Variants in PTPRD observed in about 807,000 individuals in gnomAD.
PTPRD encodes the protein receptor-type tyrosine-protein phosphatase delta.
Under a neutral mutation model 214.5 loss-of-function variants are expected in PTPRD, and 34 were observed. The observed-to-expected ratio is 0.16, with a 90% CI of 0.12 to 0.21. The LOEUF (loss-of-function observed/expected upper bound fraction) is 0.21. Ranked by LOEUF, PTPRD falls within the 10% of genes least tolerant of loss-of-function variation. PTPRD has a pLI of 1.00. For synonymous variants in PTPRD, 1,128 were observed against 845.7 expected (o/e 1.33, Z -5.79); for missense variants, 2,545 against 2,398.7 (o/e 1.06, Z -1.27).
At chr9:8,721,892 C>G (rs1412688269) in intron 12 of PTPRD, among the ~76,000 whole-genome samples, 1 of 152,218 alleles carries the variant, frequency 6.6e-6, no homozygotes, top group African/African-American at 2.4e-5. Context: ...TTATCTATCT[C>G]TCCTAACCTC....
At chr9:9,512,555 A>T (rs2096735163) in intron 8 of PTPRD, among the ~76,000 whole-genome samples, 1 of 151,884 alleles carries the variant, frequency 6.6e-6, no homozygotes, top group Non-Finnish European at 1.5e-5. Context: ...TCCAATCAAA[A>T]ACGTTAATAA....
At chr9:10,288,415 T>G (rs937958770) in intron 3 of PTPRD, among the ~76,000 whole-genome samples, 8 of 152,118 alleles carry the variant, frequency 5.3e-5, no homozygotes, top group African/African-American at 1.9e-4. Context: ...ATGATAAACA[T>G]CAGTTTATTA....
At chr9:8,742,627 A>G (rs1387026282) in intron 11 of PTPRD, among the ~76,000 whole-genome samples, 1 of 152,184 alleles carries the variant, frequency 6.6e-6, no homozygotes, top group Non-Finnish European at 1.5e-5. Context: ...TTACTTCTTT[A>G]CTATGAAAAG....
intron 8 of PTPRD, among the ~76,000 whole-genome samples, chr9:9,445,269 C>T (rs975802196): frequency 1.3e-5 from 2 of 152,058 alleles, no homozygotes; most frequent in East Asian, 1.9e-4. Context: ...ATCTGTCCCA[C>T]GTTTATCCCT....
chr9:8,813,589 ACTCAAACTCCTAGG>A (rs1390503587), intron 11 of PTPRD, among the ~76,000 whole-genome samples: 1 of 151,890 alleles, frequency 6.6e-6, no homozygotes, highest in African/African-American at 2.4e-5. Context: ...CCCACGCTGG[ACTCAAACTCCTAGG>A]CTAAAGCAAT....
chr9:8,967,151 A>T (rs866717347), intron 11 of PTPRD, among the ~76,000 whole-genome samples: 3 of 151,790 alleles, frequency 2.0e-5, no homozygotes, highest in African/African-American at 7.3e-5. Flanking sequence ...AAAACAATAG[A>T]TGTTGGTGAG....
At chr9:8,934,516 T>A (rs867062867) in intron 11 of PTPRD, among the ~76,000 whole-genome samples, 7,697 of 56,720 alleles carry the variant, frequency 0.14, 1,392 homozygotes, top group South Asian at 0.19. Flanking sequence ...AATATATATA[T>A]ATAAATATAT....
chr9:9,337,303 C>T (rs2044914167), intron 9 of PTPRD, among the ~76,000 whole-genome samples: 1 of 152,272 alleles, frequency 6.6e-6, no homozygotes, highest in Admixed American at 6.5e-5. Flanking sequence ...AAGGGAAAAT[C>T]TGAGAGGCAG....
intron 3 of PTPRD, among the ~76,000 whole-genome samples, chr9:10,178,700 T>C (rs755455622): frequency 6.6e-6 from 1 of 151,954 alleles, no homozygotes; most frequent in Admixed American, 6.6e-5. Flanking sequence ...ATTGGTACTA[T>C]TGATATTCTA....
chr9:8,947,145 A>G (rs1213963187), intron 11 of PTPRD, among the ~76,000 whole-genome samples: 18 of 150,760 alleles, frequency 1.2e-4, no homozygotes, highest in African/African-American at 3.9e-4. Context: ...CCTAATTTCA[A>G]TGCAGCTTTA....
At chr9:8,580,740 C>G (rs977074352) in intron 14 of PTPRD, among the ~76,000 whole-genome samples, 2 of 152,040 alleles carry the variant, frequency 1.3e-5, no homozygotes, top group African/African-American at 2.4e-5. Context: ...TTATGGTCAG[C>G]CAGACAAAAG....
intron 10 of PTPRD, among the ~76,000 whole-genome samples, chr9:9,177,013 T>C (rs1968589): frequency 0.43 from 65,093 of 152,008 alleles, 14,845 homozygotes; most frequent in South Asian, 0.65. Context: ...TGCCCACTTG[T>C]ATTAATTCAT....
chr9:8,399,302 G>C (rs1043138001), intron 36 of PTPRD, among the ~76,000 whole-genome samples: 1 of 152,014 alleles, frequency 6.6e-6, no homozygotes, highest in Admixed American at 6.6e-5. Flanking sequence ...CTGGAGAATG[G>C]GCTTGCAAAG....
intron 7 of PTPRD, among the ~76,000 whole-genome samples, chr9:9,619,943 A>G (rs1469901942): frequency 6.6e-6 from 1 of 151,398 alleles, no homozygotes; most frequent in African/African-American, 2.4e-5. Context: ...ATATTTCTAC[A>G]TATAGATAGA....
intron 35 of PTPRD, among the ~76,000 whole-genome samples, chr9:8,428,104 G>C (rs2094808022): frequency 6.6e-6 from 1 of 152,166 alleles, no homozygotes; most frequent in African/African-American, 2.4e-5. Context: ...GTTTGAGCTA[G>C]GGGCCAAACT....
At chr9:9,793,043 G>C (rs1264748827) in intron 5 of PTPRD, among the ~76,000 whole-genome samples, 1 of 152,056 alleles carries the variant, frequency 6.6e-6, no homozygotes, top group East Asian at 1.9e-4. Context: ...AAATGACCTT[G>C]TAACTTCTGG....
At chr9:10,196,947 GAA>G (rs1365562452) in intron 3 of PTPRD, among the ~76,000 whole-genome samples, 1 of 152,108 alleles carries the variant, frequency 6.6e-6, no homozygotes, top group Non-Finnish European at 1.5e-5. Flanking sequence ...GGTCCTCTAT[GAA>G]CAAAGAAGAT....
chr9:8,825,008 T>C (rs1212287981), intron 11 of PTPRD, among the ~76,000 whole-genome samples: 1 of 152,316 alleles, frequency 6.6e-6, no homozygotes, highest in South Asian at 2.1e-4. Flanking sequence ...ATAGGCTTTT[T>C]AAAAATTGGC....
At chr9:9,824,036 A>T (rs1326487662) in intron 5 of PTPRD, among the ~76,000 whole-genome samples, 2 of 152,074 alleles carry the variant, frequency 1.3e-5, no homozygotes, top group Non-Finnish European at 1.5e-5. Flanking sequence ...AAAGAAATGC[A>T]GTCAACTCTT....
Sources: gnomAD v4.1 joint callset for allele counts (sites outside exome capture counted in the v4.1 genomes callset) on GRCh38, gnomAD v4.1.1 for gene constraint, MANE v1.5 for transcripts, NCBI Gene and HGNC (gene_info 2026-07-23, HGNC 2026-07-21) for gene names.